RBFOX1: variants seen among roughly 807,000 people sequenced by gnomAD.
RBFOX1 encodes RNA binding protein fox-1 homolog 1.
RBFOX1 carries 8 observed loss-of-function variants against 57.7 expected under a neutral mutation model. That is an observed-to-expected ratio of 0.14 (90% CI 0.08 to 0.25). RBFOX1 has a LOEUF of 0.25. Among genes scored for constraint, RBFOX1 ranks in the 10% least tolerant of loss-of-function variants. The pLI is 1.00. For synonymous variants in RBFOX1, 326 were observed against 222.4 expected (o/e 1.47, Z -4.15); for missense variants, 611 against 548.5 (o/e 1.11, Z -1.14).
At chr16:5,437,307 G>A (rs942694424) in intron 1 of RBFOX1, among the ~76,000 whole-genome samples, 1 of 152,108 alleles carries the variant, frequency 6.6e-6, no homozygotes, top group African/African-American at 2.4e-5. Context: ...AAGCAAACCA[G>A]CTTTTGTTTT....
chr16:5,568,148 A>G (rs1002341540), intron 2 of RBFOX1, among the ~76,000 whole-genome samples: 2 of 152,206 alleles, frequency 1.3e-5, no homozygotes, highest in African/African-American at 4.8e-5. Context: ...TCAGCATTGC[A>G]TTCAAATGTC....
At chr16:7,389,748 C>A (rs968591534) in intron 4 of RBFOX1, among the ~76,000 whole-genome samples, 5 of 152,042 alleles carry the variant, frequency 3.3e-5, no homozygotes, top group African/African-American at 4.8e-5. Context: ...GCAACAACAC[C>A]AATAATAATA....
intron 1 of RBFOX1, among the ~76,000 whole-genome samples, chr16:5,425,093 C>CTATT (rs2067511432): frequency 6.9e-6 from 1 of 144,776 alleles, no homozygotes; most frequent in East Asian, 2.1e-4. Flanking sequence ...ATCTATCTAT[C>CTATT]TATCTATCTA....
intron 4 of RBFOX1, among the ~76,000 whole-genome samples, chr16:5,987,025 A>G (rs527905643): frequency 1.3e-5 from 2 of 152,174 alleles, no homozygotes; most frequent in South Asian, 4.2e-4. Flanking sequence ...TTGCATCCTC[A>G]CCAGCTTTTG....
At chr16:7,393,310 G>T (rs74012541) in intron 4 of RBFOX1, among the ~76,000 whole-genome samples, 1 of 152,266 alleles carries the variant, frequency 6.6e-6, no homozygotes, top group South Asian at 2.1e-4. Context: ...CTGGGAAGAT[G>T]GGGTACTTGA....
intron 3 of RBFOX1, among the ~76,000 whole-genome samples, chr16:5,852,539 C>T (rs1180548933): frequency 6.6e-6 from 1 of 152,164 alleles, no homozygotes; most frequent in Non-Finnish European, 1.5e-5. Context: ...GAGGTCAATG[C>T]ATAACTGTTG....
intron 4 of RBFOX1, among the ~76,000 whole-genome samples, chr16:7,248,914 C>T (rs1567886333): frequency 6.6e-6 from 1 of 152,174 alleles, no homozygotes; most frequent in South Asian, 2.1e-4. Context: ...AGCCAACAGC[C>T]ATCGCCCAAG....
chr16:5,948,092 G>C (rs1403223551), intron 4 of RBFOX1, among the ~76,000 whole-genome samples: 1 of 152,164 alleles, frequency 6.6e-6, no homozygotes, highest in Non-Finnish European at 1.5e-5. Context: ...GGCATGGTGA[G>C]TCTATGTTTG....
chr16:5,363,960 A>T (rs952820265), intron 1 of RBFOX1, among the ~76,000 whole-genome samples: 2 of 152,144 alleles, frequency 1.3e-5, no homozygotes, highest in African/African-American at 2.4e-5. Context: ...TTTGCCATCT[A>T]GTCAGATCCT....
intron 4 of RBFOX1, among the ~76,000 whole-genome samples, chr16:7,245,949 T>G (rs980279891): frequency 6.6e-6 from 1 of 152,184 alleles, no homozygotes; most frequent in Admixed American, 6.5e-5. Context: ...ACAAACACAA[T>G]TAGCCCATCC....
In RBFOX1 at chr16:7,712,085, T is replaced by G. The variant is rs2084081774; in HGVS notation, c.*1340T>G. The G allele has an allele frequency of 6.6e-6, 1 of 152,594 alleles. No individual in the cohort carries two copies. Among genetic ancestry groups the G allele is most frequent in the Non-Finnish European group, 1.5e-5 (1 of 68,048 alleles). The allele number at this position is 152,594 out of a possible 1,614,324, so 9.5% of individuals were successfully genotyped here. A position where few individuals can be genotyped will look rare whatever the true frequency, so the allele number is the denominator to read the frequency against. On this transcript the variant is annotated 3_prime_UTR_variant, in exon 16 of 16. Transcript: ENST00000550418. ...CCCAAAAGAACAAAGTCTCCCCACCTTTCTCGGATGCAGGGCCAGAGTGAC... is the reference window on the plus strand; with the variant it reads ...CCCAAAAGAACAAAGTCTCCCCACCGTTCTCGGATGCAGGGCCAGAGTGAC...
intron 4 of RBFOX1, among the ~76,000 whole-genome samples, chr16:7,075,911 C>G (rs995138730): frequency 6.6e-6 from 1 of 151,944 alleles, no homozygotes; most frequent in Non-Finnish European, 1.5e-5. Context: ...AAACAATTTC[C>G]TGTAACTGAA....
At chr16:6,586,481 G>A (rs532126911) in intron 2 of RBFOX1, among the ~76,000 whole-genome samples, 124 of 152,198 alleles carry the variant, frequency 8.1e-4, no homozygotes, top group African/African-American at 2.8e-3. Flanking sequence ...GGTGACATAT[G>A]CCCAACTTGA....
intron 4 of RBFOX1, among the ~76,000 whole-genome samples, chr16:5,978,439 C>T (rs545230445): frequency 4.6e-5 from 7 of 152,124 alleles, no homozygotes; most frequent in Non-Finnish European, 7.3e-5. Flanking sequence ...ATGGTTTTCC[C>T]GACTGATAAC....
intron 1 of RBFOX1, among the ~76,000 whole-genome samples, chr16:5,457,066 C>A (rs559169233): frequency 6.6e-6 from 1 of 152,142 alleles, no homozygotes; most frequent in African/African-American, 2.4e-5. Flanking sequence ...GGGGAGGACT[C>A]GCTTCCTGGT....
At position 7,676,822 on chromosome 16, in the gene RBFOX1, G is replaced by A. The variant is rs139929599; in HGVS notation, c.979G>A (p.Ala327Thr). The A allele has an allele frequency of 1.2e-4, 200 of 1,612,532 alleles. No homozygotes were observed. The highest frequency in any genetic ancestry group is 1.4e-4 in the Non-Finnish European group (169 of 1,178,926). Residue 327 changes from alanine to threonine, a missense_variant, in exon 14 of 16, where the codon GCT becomes ACT. Physicochemically the swap from Ala to Thr is moderately conservative, Grantham distance 58. This residue lies in a region of RBFOX1 where 267 missense variants were observed against 229.1 expected (regional missense o/e 1.17). Transcript: ENST00000550418. The stretch of plus-strand genomic sequence containing the variant: ...CGCCCAGCCTACCCCTGCCACTGCC[G>A]CTGCCTACAGTGACAGGTAAGGGTC... ...RYAQPTPATA[A>T]AYSDSYGRVY... is the part of the protein sequence containing the mutation.
chr16:6,790,222 T>A, intron 3 of RBFOX1, among the ~76,000 whole-genome samples: 1 of 140,076 alleles, frequency 7.1e-6, no homozygotes, highest in African/African-American at 2.7e-5. Context: ...TCTCGCTCTG[T>A]CAGCCAGGCT....
chr16:5,639,911 C>T (rs2048805597), intron 3 of RBFOX1, among the ~76,000 whole-genome samples: 1 of 152,204 alleles, frequency 6.6e-6, no homozygotes, highest in South Asian at 2.1e-4. Context: ...AAGCATGAAA[C>T]ATTGTGCTAA....
chr16:7,248,689 C>T (rs1199893792), intron 4 of RBFOX1, among the ~76,000 whole-genome samples: 2 of 151,986 alleles, frequency 1.3e-5, no homozygotes, highest in African/African-American at 4.8e-5. Context: ...CAGATAAGCA[C>T]CAAGAAAATT....
Sources: gnomAD v4.1 joint callset for allele counts (sites outside exome capture counted in the v4.1 genomes callset) on GRCh38, gnomAD v4.1.1 for gene constraint, gnomAD v4.1.1 regional missense constraint, MANE v1.5 for transcripts, NCBI Gene and HGNC (gene_info 2026-07-23, HGNC 2026-07-21) for gene names.